Variants in PATJ observed in about 807,000 individuals in gnomAD.
PATJ encodes the protein PATJ crumbs cell polarity complex component, also known as inaD-like protein.
In PATJ, 190 loss-of-function variants were observed where a neutral mutation model predicts 224.9. That is an observed-to-expected ratio of 0.84 (90% CI 0.75 to 0.95). The LOEUF is 0.95. Ranked by LOEUF, PATJ falls within the 40% of genes least tolerant of loss-of-function variation. The probability of loss-of-function intolerance (pLI) is 0.00; values close to 1 mark genes in which losing one functional copy is unlikely to be tolerated. For missense variants in PATJ, 2,121 were observed against 2,270.3 expected, an observed-to-expected ratio of 0.93 and a Z score of 1.34; for synonymous variants, 769 against 820.3, an observed-to-expected ratio of 0.94 and a Z score of 1.07.
At chr1:61,983,363 C>T (rs1251270818) in intron 27 of PATJ, among the ~76,000 whole-genome samples, 1 of 151,942 alleles carries the variant, frequency 6.6e-6, no homozygotes, top group Admixed American at 6.6e-5. Context: ...AAATGATTAC[C>T]TATAAATCTT....
rs1342142560 is a variant in PATJ at position 61,998,004 on chromosome 1, T to TA, written c.3867+7640_3867+7641insA. Among the ~76,000 whole-genome samples, 80 of 104,576 alleles carry TA rather than the reference T, an allele frequency of 7.6e-4. 1 individual carries two copies. The highest frequency in any genetic ancestry group is 3.5e-3 in the African/African-American group (74 of 21,070). The allele number at this position is 104,576 out of a possible 152,430, so 68.6% of individuals were successfully genotyped here. A position where few individuals can be genotyped will look rare whatever the true frequency, so the allele number is the denominator to read the frequency against. On this transcript the variant is annotated intron_variant, in intron 28 of 43. Coordinates refer to ENST00000642238, the MANE Select transcript of PATJ (RefSeq NM_001350145.3). Reference sequence around the variant, plus strand: ...AGCTTATATATGTATATATAATATATTATATATATTAATTATATATAATAT... The same window carrying TA: ...AGCTTATATATGTATATATAATATATATATATATATTAATTATATATAATAT...
intron 27 of PATJ, among the ~76,000 whole-genome samples, chr1:61,960,084 A>G (rs1170887990): frequency 6.6e-6 from 1 of 152,170 alleles, no homozygotes; most frequent in African/African-American, 2.4e-5. Context: ...AATATTGGGT[A>G]TTCTAATGAG....
chr1:61,806,203 C>G (rs1653502311), intron 13 of PATJ, among the ~76,000 whole-genome samples: 1 of 152,198 alleles, frequency 6.6e-6, no homozygotes, highest in Admixed American at 6.5e-5. Flanking sequence ...CATTTCTACT[C>G]TCATTCACAT....
intron 24 of PATJ, among the ~76,000 whole-genome samples, chr1:61,906,891 G>T (rs1245273861): frequency 6.6e-6 from 1 of 152,132 alleles, no homozygotes; most frequent in East Asian, 1.9e-4. Flanking sequence ...TAAGTGATAT[G>T]ATTTGGCTGT....
chr1:61,993,674 T>C (rs1159088261), intron 28 of PATJ, among the ~76,000 whole-genome samples: 1 of 151,976 alleles, frequency 6.6e-6, no homozygotes, highest in African/African-American at 2.4e-5. Flanking sequence ...ACCTAACACC[T>C]AGCACCCCTG....
intron 27 of PATJ, among the ~76,000 whole-genome samples, chr1:61,930,929 C>T (rs1267221165): frequency 6.6e-6 from 1 of 152,126 alleles, no homozygotes; most frequent in African/African-American, 2.4e-5. Context: ...TCTGAAACTC[C>T]CGACCTCAGG....
intron 20 of PATJ, among the ~76,000 whole-genome samples, chr1:61,870,735 A>G (rs1238347955): frequency 1.3e-5 from 2 of 152,150 alleles, no homozygotes; most frequent in Non-Finnish European, 2.9e-5. Context: ...TCTTTTTAGT[A>G]TATACTCAGC....
At chr1:61,803,279 TAATAA>T (rs934894431) in intron 12 of PATJ, among the ~76,000 whole-genome samples, 5 of 152,150 alleles carry the variant, frequency 3.3e-5, no homozygotes, top group African/African-American at 7.2e-5. Context: ...TGGGCATGCT[TAATAA>T]AATAAATAAA....
intron 23 of PATJ, 42 bp from the exon 24 acceptor site, chr1:61,901,240 A>T: frequency 7.6e-7 from 1 of 1,308,486 alleles, no homozygotes; most frequent in Non-Finnish European, 1.0e-6. Flanking sequence ...CCAACAGATT[A>T]AACTTGTTGA....
intron 7 of PATJ, among the ~76,000 whole-genome samples, chr1:61,786,811 C>A (rs1378213224): frequency 6.6e-6 from 1 of 152,026 alleles, no homozygotes. Context: ...CATGGTGAAA[C>A]CCCATCTCTA....
intron 14 of PATJ, among the ~76,000 whole-genome samples, chr1:61,817,289 A>G (rs1656303198): frequency 6.6e-6 from 1 of 152,236 alleles, no homozygotes; most frequent in Non-Finnish European, 1.5e-5. Context: ...TGACCTTAGT[A>G]TTAGGTGACT....
At chr1:61,993,050 C>T (rs1645158358) in intron 28 of PATJ, among the ~76,000 whole-genome samples, 2 of 152,110 alleles carry the variant, frequency 1.3e-5, no homozygotes, top group South Asian at 4.1e-4. Context: ...CAGCGTCAGT[C>T]CCACAAGTTA....
intron 3 of PATJ, among the ~76,000 whole-genome samples, chr1:61,765,323 C>T (rs1646209530): frequency 1.3e-5 from 2 of 151,256 alleles, no homozygotes; most frequent in Admixed American, 6.6e-5. Flanking sequence ...GCAGTCCTCC[C>T]ACCTTGATCT....
chr1:61,934,268 G>T (rs1162024345), intron 27 of PATJ, among the ~76,000 whole-genome samples: 2 of 152,260 alleles, frequency 1.3e-5, no homozygotes, highest in South Asian at 4.1e-4. Flanking sequence ...ACAGGCATGC[G>T]CCACCACGCC....
intron 30 of PATJ, among the ~76,000 whole-genome samples, chr1:62,043,937 A>G (rs1652018669): frequency 1.3e-5 from 2 of 152,140 alleles, no homozygotes; most frequent in African/African-American, 2.4e-5. Flanking sequence ...TATGTTGCCC[A>G]TGCCCAGTCT....
chr1:61,810,699 AAAATAAAT>A (rs141039243), intron 14 of PATJ, among the ~76,000 whole-genome samples: 33,397 of 143,910 alleles, frequency 0.23, 4,142 homozygotes, highest in African/African-American at 0.32. Flanking sequence ...TCTGTCTCAA[AAAATAAAT>A]AAATAAATAA....
chr1:61,798,407 C>T (rs1651794338), intron 11 of PATJ, among the ~76,000 whole-genome samples: 1 of 151,720 alleles, frequency 6.6e-6, no homozygotes, highest in Admixed American at 6.6e-5. Flanking sequence ...CTGTGTTGCC[C>T]ATGCTAGTCT....
intron 28 of PATJ, among the ~76,000 whole-genome samples, chr1:62,010,533 A>G (rs1475436215): frequency 2.0e-5 from 3 of 151,054 alleles, no homozygotes; most frequent in Non-Finnish European, 4.4e-5. Context: ...AGAACATGAT[A>G]TTTCTCTTTC....
chr1:62,107,555 A>G (rs925794197), intron 33 of PATJ, among the ~76,000 whole-genome samples: 10 of 152,264 alleles, frequency 6.6e-5, no homozygotes, highest in South Asian at 6.2e-4. Flanking sequence ...ATCAAAATAT[A>G]TAAATATTTG....
Sources: allele counts gnomAD v4.1 joint callset (sites outside exome capture counted in the v4.1 genomes callset), GRCh38; gene constraint gnomAD v4.1.1; transcripts MANE v1.5; gene names NCBI Gene and HGNC (gene_info 2026-07-23, HGNC 2026-07-21).